Variants in DAB1 observed in about 807,000 individuals in gnomAD.
DAB1 encodes disabled homolog 1.
In DAB1, 15 loss-of-function variants were observed where a neutral mutation model predicts 64.6. That is an observed-to-expected ratio of 0.23 (90% CI 0.16 to 0.36). The LOEUF is 0.36. Ranked by LOEUF, DAB1 falls within the 10% of genes least tolerant of loss-of-function variation. The pLI, the probability that DAB1 is intolerant of heterozygous loss-of-function variation, is 1.00. For synonymous variants in DAB1, 235 were observed against 251.9 expected (o/e 0.93, Z 0.64); for missense variants, 596 against 706.7 (o/e 0.84, Z 1.78).
intron 7 of DAB1, among the ~76,000 whole-genome samples, chr1:57,473,386 T>C (rs1687210088): frequency 6.6e-6 from 1 of 152,124 alleles, no homozygotes; most frequent in African/African-American, 2.4e-5. Context: ...CTTGAGATGT[T>C]CCCCGCTGCA....
intron 4 of DAB1, among the ~76,000 whole-genome samples, chr1:58,188,410 A>G (rs1179615010): frequency 6.6e-6 from 1 of 152,254 alleles, no homozygotes; most frequent in African/African-American, 2.4e-5. Context: ...AACATATTCT[A>G]TTAATGAGCA....
At chr1:57,838,042 G>C (rs1652889736) in intron 1 of DAB1, among the ~76,000 whole-genome samples, 1 of 151,860 alleles carries the variant, frequency 6.6e-6, no homozygotes, top group Non-Finnish European at 1.5e-5. Context: ...TAGGCACTCT[G>C]CTAAGCCTCT....
rs183040788 is a variant in DAB1, at chr1:57,993,595, A to G, written n.388-109433T>C. Among the ~76,000 whole-genome samples, 324 of 152,334 alleles carry G rather than the reference A, an allele frequency of 2.1e-3. 1 individual carries two copies. Among genetic ancestry groups the G allele is most frequent in the Non-Finnish European group, 4.1e-3 (277 of 68,032 alleles). On this transcript the variant is annotated intron_variant and non_coding_transcript_variant, in intron 5 of 20. Transcript: ENST00000485760. ...CTGGTACCCGCTGCATTTGGCTGATAGTCTTGTCCTAGTTTCTAACCCTCA... is the reference window on the plus strand; with the variant it reads ...CTGGTACCCGCTGCATTTGGCTGATGGTCTTGTCCTAGTTTCTAACCCTCA...
chr1:57,382,304 T>C (rs269038), intron 1 of DAB1, among the ~76,000 whole-genome samples: 83,563 of 152,000 alleles, frequency 0.55, 24,105 homozygotes, highest in African/African-American at 0.68. Flanking sequence ...GATACTTCAA[T>C]TTGCTTGAGT....
intron 7 of DAB1, among the ~76,000 whole-genome samples, chr1:57,641,110 A>G (rs1386562392): frequency 1.3e-5 from 2 of 152,124 alleles, no homozygotes; most frequent in Non-Finnish European, 2.9e-5. Context: ...TTAAAACATA[A>G]TAATTATTTC....
chr1:57,760,883 C>T (rs1649056288), intron 6 of DAB1, among the ~76,000 whole-genome samples: 1 of 152,168 alleles, frequency 6.6e-6, no homozygotes, highest in African/African-American at 2.4e-5. Context: ...CAGCTAGCAT[C>T]CTCTTGGCCA....
At chr1:58,238,474 G>A (rs1490191368) in intron 4 of DAB1, among the ~76,000 whole-genome samples, 1 of 152,120 alleles carries the variant, frequency 6.6e-6, no homozygotes, top group African/African-American at 2.4e-5. Flanking sequence ...GGAGTCCAGA[G>A]GAGAGGACCA....
At chr1:57,548,981 T>C (rs1278298584) in intron 7 of DAB1, among the ~76,000 whole-genome samples, 1 of 152,238 alleles carries the variant, frequency 6.6e-6, no homozygotes, top group African/African-American at 2.4e-5. Context: ...AAAGCTTTAA[T>C]AACATGCCCA....
intron 7 of DAB1, among the ~76,000 whole-genome samples, chr1:57,536,861 T>A (rs1644736323): frequency 6.6e-6 from 1 of 152,056 alleles, no homozygotes; most frequent in African/African-American, 2.4e-5. Flanking sequence ...GTTTGGAATG[T>A]AGAGACCCAG....
chr1:57,659,862 A>G (rs866819079), intron 6 of DAB1, among the ~76,000 whole-genome samples: 34 of 152,098 alleles, frequency 2.2e-4, no homozygotes, highest in Middle Eastern at 6.8e-3. Flanking sequence ...CTGTAATCCC[A>G]GCTACTCAGG....
At chr1:57,233,255 C>CTTTAT in intron 2 of DAB1, among the ~76,000 whole-genome samples, 1 of 60,808 alleles carries the variant, frequency 1.6e-5, no homozygotes, top group Non-Finnish European at 2.8e-5. Context: ...TGCTCCGATT[C>CTTTAT]TTTTTTTTTT....
chr1:57,708,543 T>G (rs1284456439), intron 6 of DAB1, among the ~76,000 whole-genome samples: 1 of 152,192 alleles, frequency 6.6e-6, no homozygotes, highest in Admixed American at 6.5e-5. Context: ...GTGGCATGAC[T>G]GCTACTCAAA....
At chr1:57,734,559 C>T (rs1367468451) in intron 6 of DAB1, among the ~76,000 whole-genome samples, 2 of 152,200 alleles carry the variant, frequency 1.3e-5, no homozygotes, top group Non-Finnish European at 2.9e-5. Flanking sequence ...CTATTCCATT[C>T]TCCACTTTTT....
At chr1:57,289,086 G>A (rs980325117) in intron 2 of DAB1, among the ~76,000 whole-genome samples, 4 of 152,146 alleles carry the variant, frequency 2.6e-5, no homozygotes, top group Non-Finnish European at 4.4e-5. Context: ...CCTCACATAT[G>A]TATTATGTTG....
In DAB1 at chr1:57,071,515, G is replaced by A. The variant is rs774647910; in HGVS notation, c.558+7C>T. On this transcript the variant is annotated splice_region_variant and intron_variant, in intron 6 of 14. Transcript: ENST00000371236. ...TCTCCAGCGCAAGGATAAATTCACA[G>A]GTATACCTGGTACACAGCTTGTTCA... 12 of 1,611,100 alleles carry A rather than the reference G, an allele frequency of 7.4e-6. No individual in the cohort carries two copies. The highest frequency in any genetic ancestry group is 1.0e-5 in the Non-Finnish European group (12 of 1,179,358).
At chr1:57,605,941 A>C in intron 7 of DAB1, 1 of 689,190 alleles carries the variant, frequency 1.5e-6, no homozygotes, top group Non-Finnish European at 2.7e-6. Context: ...GTGCAAGTCA[A>C]AGAGTCACTT....
intron 6 of DAB1, among the ~76,000 whole-genome samples, chr1:57,673,877 G>A (rs112088501): frequency 0.014 from 2,170 of 152,168 alleles, 72 homozygotes; most frequent in African/African-American, 0.05. Context: ...TTTTGATTTG[G>A]GTATTTTCTA....
intron 1 of DAB1, among the ~76,000 whole-genome samples, chr1:58,535,129 T>A (rs4912345): frequency 0.13 from 20,542 of 152,192 alleles, 1,533 homozygotes; most frequent in African/African-American, 0.2. Context: ...AATTACTGAA[T>A]TCTCAGAACT....
chr1:58,178,201 T>C (rs911958048), intron 4 of DAB1, among the ~76,000 whole-genome samples: 1 of 152,192 alleles, frequency 6.6e-6, no homozygotes, highest in Non-Finnish European at 1.5e-5. Context: ...CTGAAACCAT[T>C]TGGACATATT....
Sources: gnomAD v4.1 joint callset for allele counts (sites outside exome capture counted in the v4.1 genomes callset) on GRCh38, gnomAD v4.1.1 for gene constraint, MANE v1.5 for transcripts, NCBI Gene and HGNC (gene_info 2026-07-23, HGNC 2026-07-21) for gene names.